The following CSMD1 variants were observed in gnomAD, a reference collection of about 807,000 sequenced individuals.
CSMD1 encodes CUB and sushi domain-containing protein 1.
A neutral mutation model predicts 417.5 loss-of-function variants in CSMD1; 213 were observed. That is an observed-to-expected ratio of 0.51 (90% CI 0.46 to 0.57). The LOEUF is 0.57. Ranked by LOEUF, CSMD1 falls within the 20% of genes least tolerant of loss-of-function variation. The pLI is 0.00. For synonymous variants in CSMD1, 2,862 were observed against 1,736.8 expected, an observed-to-expected ratio of 1.65 and a Z score of -16.11; for missense variants, 6,923 against 4,529.7, an observed-to-expected ratio of 1.53 and a Z score of -15.17.
At chr8:4,605,856 A>G (rs1800839643) in intron 2 of CSMD1, among the ~76,000 whole-genome samples, 1 of 152,176 alleles carries the variant, frequency 6.6e-6, no homozygotes, top group African/African-American at 2.4e-5. Context: ...TTGCCGTGTC[A>G]AATTCCAGCC....
intron 3 of CSMD1, among the ~76,000 whole-genome samples, chr8:4,228,793 C>G (rs1585059399): frequency 6.6e-6 from 1 of 152,130 alleles, no homozygotes; most frequent in Non-Finnish European, 1.5e-5. Flanking sequence ...AAAAGATTCT[C>G]CTGCTTCTGC....
At chr8:3,636,873 G>C (rs577507701) in intron 7 of CSMD1, among the ~76,000 whole-genome samples, 26 of 152,126 alleles carry the variant, frequency 1.7e-4, no homozygotes, top group African/African-American at 2.4e-5. Flanking sequence ...GAGATATATA[G>C]ATTTTGTTGC....
intron 37 of CSMD1, among the ~76,000 whole-genome samples, chr8:3,169,192 T>G (rs958702280): frequency 1.3e-5 from 2 of 152,146 alleles, no homozygotes; most frequent in African/African-American, 2.4e-5. Context: ...TGCATCTCAG[T>G]GAATTACAGA....
At chr8:3,537,768 A>G (rs1288278654) in intron 10 of CSMD1, among the ~76,000 whole-genome samples, 2 of 152,226 alleles carry the variant, frequency 1.3e-5, no homozygotes, top group East Asian at 1.9e-4. Context: ...CAGTAAAACA[A>G]GAACACTTCA....
intron 3 of CSMD1, among the ~76,000 whole-genome samples, chr8:4,093,060 C>A (rs901094016): frequency 6.6e-6 from 1 of 152,102 alleles, no homozygotes; most frequent in South Asian, 2.1e-4. Context: ...ATAGTTTGAA[C>A]AAGTTGTGTT....
At chr8:4,135,632 G>C (rs889804626) in intron 3 of CSMD1, among the ~76,000 whole-genome samples, 2 of 152,098 alleles carry the variant, frequency 1.3e-5, no homozygotes, top group African/African-American at 2.4e-5. Context: ...ATAGTTCAAA[G>C]ATGTTTGGGA....
chr8:4,069,076 T>C (rs910098941), intron 3 of CSMD1, among the ~76,000 whole-genome samples: 2 of 152,168 alleles, frequency 1.3e-5, no homozygotes, highest in Non-Finnish European at 2.9e-5. Flanking sequence ...CTTAAAACAA[T>C]TTTATTAGAC....
At chr8:4,695,335 ACATC>A (rs1330399171) in intron 1 of CSMD1, among the ~76,000 whole-genome samples, 1 of 152,062 alleles carries the variant, frequency 6.6e-6, no homozygotes, top group Non-Finnish European at 1.5e-5. Flanking sequence ...CATTCAGCCT[ACATC>A]CATGCTTGAG....
At chr8:4,267,756 T>A (rs893847067) in intron 3 of CSMD1, among the ~76,000 whole-genome samples, 14 of 152,156 alleles carry the variant, frequency 9.2e-5, no homozygotes, top group African/African-American at 3.1e-4. Flanking sequence ...GTGCCACTCT[T>A]AGCATCAGAA....
intron 1 of CSMD1, among the ~76,000 whole-genome samples, chr8:4,912,109 C>A (rs1348381988): frequency 1.5e-5 from 1 of 65,228 alleles, no homozygotes; most frequent in African/African-American, 4.8e-5. Context: ...TTTTCTAGTG[C>A]TCAACATAGC....
rs117776756 is a variant in CSMD1 at position 4,356,263 on chromosome 8, G to C, written c.415+63690C>G. Reference sequence around the variant, plus strand: ...GAACAATTGTCTCCAATCTCATCCCGGTCACTGCAAATGCTGTTCATTCAT... The same window carrying C: ...GAACAATTGTCTCCAATCTCATCCCCGTCACTGCAAATGCTGTTCATTCAT... On this transcript the variant is annotated intron_variant, in intron 3 of 69. Transcript: ENST00000635120. Among the ~76,000 whole-genome samples, 150 of 151,984 alleles carry C rather than the reference G, an allele frequency of 9.9e-4. No individual in the cohort carries two copies. The East Asian group carries it at 0.016, about 16-fold the overall frequency.
chr8:4,203,421 T>C (rs1325538633), intron 3 of CSMD1, among the ~76,000 whole-genome samples: 3 of 152,202 alleles, frequency 2.0e-5, no homozygotes, highest in East Asian at 1.9e-4. Flanking sequence ...TTTGTGGTAA[T>C]ATCTCACAGC....
At chr8:4,011,755 G>A (rs1410104461) in intron 4 of CSMD1, among the ~76,000 whole-genome samples, 2 of 152,046 alleles carry the variant, frequency 1.3e-5, no homozygotes, top group South Asian at 2.1e-4. Context: ...TTTTCTCCCA[G>A]TGGTTACATC....
At chr8:4,136,579 C>A (rs1421909679) in intron 3 of CSMD1, among the ~76,000 whole-genome samples, 1 of 152,150 alleles carries the variant, frequency 6.6e-6, no homozygotes, top group Non-Finnish European at 1.5e-5. Context: ...TACAGTATTT[C>A]AGAAGATGCC....
chr8:3,120,219 G>A (rs1585401338), intron 41 of CSMD1, among the ~76,000 whole-genome samples: 2 of 152,236 alleles, frequency 1.3e-5, no homozygotes, highest in South Asian at 4.1e-4. Context: ...CAGGGGATGG[G>A]AACACAAAGA....
intron 23 of CSMD1, among the ~76,000 whole-genome samples, chr8:3,331,237 C>CAAAAAAAAAAAAAAAAAA (rs112278319): frequency 9.3e-5 from 12 of 128,512 alleles, no homozygotes; most frequent in African/African-American, 3.8e-4. Flanking sequence ...GACTCCGTCT[C>CAAAAAAAAAAAAAAAAAA]AAAAAAAAAA....
Position 4,884,644 on chromosome 8 carries a change from T to A in CSMD1, c.85+109688A>T, listed in dbSNP as rs1043873684. 5.9e-5 allele frequency among the ~76,000 whole-genome samples: 9 copies of A among 152,132 alleles called. No individual in the cohort carries two copies. In the South Asian group the frequency reaches 1.4e-3, roughly 24 times the overall value. On this transcript the variant is annotated intron_variant, in intron 1 of 69. Coordinates refer to ENST00000635120, the MANE Select transcript of CSMD1 (RefSeq NM_033225.6). The stretch of plus-strand genomic sequence containing the variant: ...TGAAAAGTCTATTACTTTATTTGAA[T>A]TGTCTTGGCAGTCATATCAAATAAC...
At chr8:4,980,295 G>A (rs78147167) in intron 1 of CSMD1, among the ~76,000 whole-genome samples, 3,305 of 152,250 alleles carry the variant, frequency 0.022, 78 homozygotes, top group South Asian at 0.073. Flanking sequence ...TCTTCCCAGA[G>A]TGTAGCCACA....
At chr8:3,477,783 G>C (rs777456472) in intron 11 of CSMD1, among the ~76,000 whole-genome samples, 50 of 152,154 alleles carry the variant, frequency 3.3e-4, no homozygotes, top group Non-Finnish European at 5.6e-4. Context: ...CTGAGAGCAA[G>C]TAAAGTGAGT....
Sources: gnomAD v4.1 joint callset for allele counts (sites outside exome capture counted in the v4.1 genomes callset) on GRCh38, gnomAD v4.1.1 for gene constraint, MANE v1.5 for transcripts, NCBI Gene and HGNC (gene_info 2026-07-23, HGNC 2026-07-21) for gene names.